Variants in HORMAD1 observed in about 807,000 individuals in gnomAD.
HORMAD1 encodes the protein HORMA domain containing 1, also known as HORMA domain-containing protein 1.
In HORMAD1, 33 loss-of-function variants were observed where a neutral mutation model predicts 58.2. The observed-to-expected ratio is 0.57, with a 90% CI of 0.43 to 0.76. The LOEUF is 0.76. Ranked by LOEUF, HORMAD1 falls within the 30% of genes least tolerant of loss-of-function variation. HORMAD1 has a pLI of 0.00. For synonymous variants in HORMAD1, 137 were observed against 144.6 expected (o/e 0.95, Z 0.38); for missense variants, 363 against 462.0 (o/e 0.79, Z 1.96).
At position 150,714,564 on chromosome 1, in the gene HORMAD1, A is replaced by C. The variant is rs587622898; in HGVS notation, c.242+51T>G. ...CAAAGGTATCCAAGGTACAAAAAAAAGTAAAATGAGAAAAAAATAATTTTC... is the reference window on the plus strand; with the variant it reads ...CAAAGGTATCCAAGGTACAAAAAAACGTAAAATGAGAAAAAAATAATTTTC... On this transcript the variant is annotated intron_variant, in intron 4 of 14. Transcript: ENST00000361824. 2.9e-6 allele frequency: 3 copies of C among 1,031,596 alleles called. No individual in the cohort carries two copies. In the African/African-American group the frequency reaches 5.0e-5, roughly 17 times the overall value. 63.9% of individuals were successfully genotyped at this position (1,031,596 alleles called of 1,614,324 possible).
At chr1:150,700,509 T>C (rs1651505803) in intron 13 of HORMAD1, among the ~76,000 whole-genome samples, 1 of 152,164 alleles carries the variant, frequency 6.6e-6, no homozygotes, top group African/African-American at 2.4e-5. Context: ...GATTCACCCA[T>C]TTATAAGTGT....
intron 3 of HORMAD1, among the ~76,000 whole-genome samples, chr1:150,715,062 G>A (rs587614227): frequency 6.6e-6 from 1 of 152,142 alleles, no homozygotes; most frequent in African/African-American, 2.4e-5. Flanking sequence ...TGGGATTACA[G>A]GCGTGAGCCA....
intron 3 of HORMAD1, among the ~76,000 whole-genome samples, chr1:150,715,565 G>T (rs1311446509): frequency 2.0e-5 from 3 of 152,088 alleles, no homozygotes; most frequent in African/African-American, 7.2e-5. Flanking sequence ...AGTTATTATT[G>T]TAGTATAAAC....
At chr1:150,719,366 T>G (rs1417684972) in intron 2 of HORMAD1, 107 bp downstream of exon 2, 6 of 710,502 alleles carry the variant, frequency 8.4e-6, no homozygotes, top group Non-Finnish European at 2.4e-6. Context: ...CCTGGTATCA[T>G]AAAACCCTCA....
At chr1:150,714,783 T>A in intron 3 of HORMAD1, 105 bp from the exon 4 acceptor site, 1 of 424,142 alleles carries the variant, frequency 2.4e-6, no homozygotes, top group Non-Finnish European at 4.2e-6. Flanking sequence ...GGTAAATTAT[T>A]ATTATAATTA....
intron 2 of HORMAD1, among the ~76,000 whole-genome samples, chr1:150,718,472 T>C (rs72702577): frequency 0.062 from 9,369 of 150,876 alleles, 381 homozygotes; most frequent in Middle Eastern, 0.15. Context: ...ATCTTAAGAA[T>C]CCCCTTGCAG....
chr1:150,714,667 T>A lies in HORMAD1; in HGVS notation c.190A>T (p.Lys64Ter). Residue 64 changes from lysine to a stop codon, truncating the protein, a stop_gained, in exon 4 of 15, where the codon AAA becomes TAA. Coordinates refer to ENST00000361824, the MANE Select transcript of HORMAD1 (RefSeq NM_032132.5). LOFTEE classifies it high-confidence loss of function. ...CAATTTTTATCTTCTCTCAGTATTT[T>A]GACACAAAGATCTAAACACAAAAAT... The part of the protein sequence containing the change: ...GTRYLDDLCV[K>*]ILREDKNCPG... 6.6e-7 allele frequency: 1 copy of A among 1,505,872 alleles called. No individual in the cohort carries two copies. The highest frequency in any genetic ancestry group is 9.0e-7 in the Non-Finnish European group (1 of 1,107,074). 93.3% of individuals were successfully genotyped at this position (1,505,872 alleles called of 1,614,324 possible).
intron 3 of HORMAD1, among the ~76,000 whole-genome samples, chr1:150,716,150 C>CTTTTTTT (rs752800084): frequency 4.4e-5 from 3 of 68,774 alleles, no homozygotes; most frequent in Non-Finnish European, 7.6e-5. Flanking sequence ...CAAAGGACCA[C>CTTTTTTT]TTTTTTTTTT....
At chr1:150,720,077 T>C (rs1449409576) in intron 1 of HORMAD1, among the ~76,000 whole-genome samples, 2 of 77,036 alleles carry the variant, frequency 2.6e-5, no homozygotes, top group Non-Finnish European at 6.1e-5. Flanking sequence ...TATATATATA[T>C]ACAATTTTTT....
intron 8 of HORMAD1, 49 bp downstream of exon 8, chr1:150,708,845 A>G (rs1197556992): frequency 3.2e-6 from 3 of 946,914 alleles, no homozygotes; most frequent in Non-Finnish European, 5.2e-6. Context: ...TAGCATTAAT[A>G]TGAATAAGTG....
intron 2 of HORMAD1, among the ~76,000 whole-genome samples, chr1:150,717,791 G>C (rs974520938): frequency 2.6e-5 from 4 of 151,918 alleles, no homozygotes; most frequent in Non-Finnish European, 4.4e-5. Context: ...TTAGCTGGGC[G>C]TGGTGGCAGG....
At chr1:150,710,658 A>G (rs189916736) in intron 7 of HORMAD1, among the ~76,000 whole-genome samples, 49 of 152,324 alleles carry the variant, frequency 3.2e-4, no homozygotes, top group Admixed American at 2.3e-3. Flanking sequence ...GATACATATT[A>G]AGCATTAATC....
chr1:150,705,234 T>C (rs1330585575), intron 10 of HORMAD1, among the ~76,000 whole-genome samples: 1 of 151,540 alleles, frequency 6.6e-6, no homozygotes, highest in African/African-American at 2.4e-5. Context: ...GATAAAAATA[T>C]ACAACTTTCG....
At chr1:150,711,934 C>T (rs1651917084) in intron 5 of HORMAD1, 81 bp from the exon 6 acceptor site, 2 of 954,548 alleles carry the variant, frequency 2.1e-6, no homozygotes, top group East Asian at 2.6e-5. Flanking sequence ...ATTCTTTGTC[C>T]TATTTCAACA....
At chr1:150,710,091 C>T (rs1437801524) in intron 7 of HORMAD1, among the ~76,000 whole-genome samples, 1 of 152,174 alleles carries the variant, frequency 6.6e-6, no homozygotes, top group Non-Finnish European at 1.5e-5. Flanking sequence ...ATGCTGAGCG[C>T]CGGTCCCCTG....
At position 150,705,852 on chromosome 1, in the gene HORMAD1, T is replaced by C. The variant is rs587705810; in HGVS notation, c.804+701A>G. The stretch of plus-strand genomic sequence containing the variant: ...AGTGAATCTCTGTACATAAGTACTG[T>C]AGTCATAATTTAGAATAAATTGAGA... On this transcript the variant is annotated intron_variant, in intron 10 of 14. Coordinates refer to ENST00000361824, the MANE Select transcript of HORMAD1 (RefSeq NM_032132.5). Among the ~76,000 whole-genome samples, 21 of 152,332 alleles carry C rather than the reference T, an allele frequency of 1.4e-4. 1 individual carries two copies. Among genetic ancestry groups the C allele is most frequent in the Admixed American group, 1.4e-3 (21 of 15,304 alleles).
intron 14 of HORMAD1, chr1:150,698,997 T>A (rs1651454579): frequency 7.2e-6 from 2 of 277,248 alleles, no homozygotes; most frequent in Admixed American, 5.2e-5. Context: ...TTTAACATTA[T>A]GTCCTCAAAA....
At chr1:150,703,993 C>T in intron 12 of HORMAD1, 125 bp downstream of exon 12, 1 of 611,730 alleles carries the variant, frequency 1.6e-6, no homozygotes. Context: ...TAATAACAAG[C>T]ATTCTAAATA....
At chr1:150,719,662 A>G (rs1652184407) in intron 1 of HORMAD1, 124 bp from the exon 2 acceptor site, 3 of 503,612 alleles carry the variant, frequency 6.0e-6, no homozygotes, top group Non-Finnish European at 1.1e-5. Flanking sequence ...ATTAAAATAG[A>G]GTCTTCAAAA....
Sources: allele counts gnomAD v4.1 joint callset (sites outside exome capture counted in the v4.1 genomes callset), GRCh38; gene constraint gnomAD v4.1.1; transcripts MANE v1.5; gene names NCBI Gene and HGNC (gene_info 2026-07-23, HGNC 2026-07-21).